Variants in TMEM120A observed in about 807,000 individuals in gnomAD.
The protein encoded by TMEM120A is transmembrane protein 120A, also known as ion channel TACAN.
Under a neutral mutation model 54.3 loss-of-function variants are expected in TMEM120A, and 45 were observed. That is an observed-to-expected ratio of 0.83 (90% confidence interval 0.65 to 1.06). TMEM120A has a LOEUF of 1.06. TMEM120A is among the 50% of genes least tolerant of loss of function. The pLI is 0.00. For synonymous variants in TMEM120A, 204 were observed against 178.5 expected, an observed-to-expected ratio of 1.14 and a Z score of -1.14; for missense variants, 424 against 441.7, an observed-to-expected ratio of 0.96 and a Z score of 0.36.
intron 1 of TMEM120A, among the ~76,000 whole-genome samples, chr7:75,994,083 G>A (rs1789956195): frequency 6.6e-6 from 1 of 152,048 alleles, no homozygotes. Context: ...CCCCCATCCA[G>A]GCCGAGGACA....
intron 3 of TMEM120A, among the ~76,000 whole-genome samples, chr7:75,991,125 C>T (rs536474910): frequency 4.7e-4 from 72 of 152,246 alleles, no homozygotes; most frequent in African/African-American, 1.7e-3. Flanking sequence ...AGCTATCTCC[C>T]TGCCTGCAGC....
chr7:75,989,463 C>G (rs1235175645), intron 3 of TMEM120A, among the ~76,000 whole-genome samples: 1 of 149,388 alleles, frequency 6.7e-6, no homozygotes, highest in African/African-American at 2.5e-5. Context: ...TGTTCCCCCC[C>G]ATCTCCAGAG....
chr7:75,989,139 GGGGGGTGGA>G lies in TMEM120A; in HGVS notation c.377+17_377+25del. ...GGCTAGGGGTGGAGGGGTGGAGGTTGGGGGGTGGAGGCTCGGCCTGATTACTTAGCCTGC... is the reference window on the plus strand; with the variant it reads ...GGCTAGGGGTGGAGGGGTGGAGGTTGGGCTCGGCCTGATTACTTAGCCTGC... On this transcript the variant is annotated intron_variant, in intron 4 of 11. Transcript: ENST00000493111. 7.9e-7 allele frequency: 1 copy of G among 1,270,792 alleles called. No individual in the cohort carries two copies. Among genetic ancestry groups the G allele is most frequent in the Non-Finnish European group, 1.1e-6 (1 of 911,976 alleles). The allele number at this position is 1,270,792 out of a possible 1,614,324, so 78.7% of individuals were successfully genotyped here.
At position 75,987,814 on chromosome 7, in the gene TMEM120A, G is replaced by A. The variant is rs782472933; in HGVS notation, c.692-4C>T. ...TACTGGAGAAACTGCACGAAGCCTG[G>A]GCCGGGCGGAGGACAGAGGAGCAGG... is the stretch of plus-strand genomic sequence containing the variant. On this transcript the variant is annotated splice_region_variant and splice_polypyrimidine_tract_variant and intron_variant, in intron 8 of 11. Transcript: ENST00000493111. 5.0e-6 allele frequency: 8 copies of A among 1,611,094 alleles called. No homozygotes were observed. Among genetic ancestry groups the A allele is most frequent in the Non-Finnish European group, 6.8e-6 (8 of 1,179,352 alleles).
intron 6 of TMEM120A, 47 bp downstream of exon 6, chr7:75,988,205 T>C: frequency 1.9e-6 from 3 of 1,611,788 alleles, no homozygotes; most frequent in Non-Finnish European, 2.5e-6. Flanking sequence ...CGGAGGGTCC[T>C]GGCACCCCAT....
intron 8 of TMEM120A, 26 bp downstream of exon 8, chr7:75,987,896 CT>C: frequency 6.3e-7 from 1 of 1,599,850 alleles, no homozygotes; most frequent in Non-Finnish European, 8.5e-7. Flanking sequence ...GCCTCCAGGG[CT>C]CAGCACAGAC....
At chr7:75,988,208 C>T (rs782234411) in intron 6 of TMEM120A, 44 bp downstream of exon 6, 13 of 1,611,718 alleles carry the variant, frequency 8.1e-6, no homozygotes, top group South Asian at 4.4e-5. Flanking sequence ...AGGGTCCTGG[C>T]ACCCCATTCC....
In TMEM120A at chr7:75,988,121, G is replaced by A; in HGVS notation, c.591C>T (p.His197=). The A allele has an allele frequency of 6.2e-7, 1 of 1,610,388 alleles. No homozygotes were observed. Among genetic ancestry groups the A allele is most frequent in the East Asian group, 2.2e-5 (1 of 44,794 alleles). Residue 197 remains histidine, a synonymous_variant, in exon 7 of 12, where the codon CAC becomes CAT. Transcript: ENST00000493111. The part of the protein sequence containing the change: ...SRIKGWWVFH[H]YVSTFLSGVM... ...CTCCCGACAGGAAGGTGGACACGTA[G>A]TGATGGAACACCCACCAGCCTTTGA...
At chr7:75,994,048 C>T (rs1554562496) in intron 1 of TMEM120A, among the ~76,000 whole-genome samples, 1 of 149,678 alleles carries the variant, frequency 6.7e-6, no homozygotes, top group East Asian at 2.1e-4. Context: ...CTCGGCGGCG[C>T]GCGGTATCCC....
At chr7:75,993,450 G>A (rs1308302238) in intron 1 of TMEM120A, among the ~76,000 whole-genome samples, 2 of 152,254 alleles carry the variant, frequency 1.3e-5, no homozygotes, top group Admixed American at 6.5e-5. Flanking sequence ...TCAAGAAGGC[G>A]CAGCCTAGAG....
chr7:75,987,668 G>A (rs1554560246), intron 9 of TMEM120A, 50 bp downstream of exon 9: 12 of 1,607,056 alleles, frequency 7.5e-6, no homozygotes, highest in Non-Finnish European at 1.0e-5. Flanking sequence ...CTCAGACCCG[G>A]GATGGGAGGA....
At position 75,992,538 on chromosome 7, in the gene TMEM120A, C is replaced by T. The variant is rs1026911558; in HGVS notation, c.101G>A (p.Arg34His). 4.4e-6 allele frequency: 7 copies of T among 1,580,680 alleles called. No individual in the cohort carries two copies. The highest frequency in any genetic ancestry group is 4.6e-5 in the East Asian group (2 of 43,286). ...TTTGGTCAGCTCCTCCAGCTTCAGGCGGTAGAGCCGATGGGTCTCCTGGGG... is the reference window on the plus strand; with the variant it reads ...TTTGGTCAGCTCCTCCAGCTTCAGGTGGTAGAGCCGATGGGTCTCCTGGGG... Reference protein sequence around the residue: ...QNIQETHRLYRLKLEELTKLQ... With the variant: ...QNIQETHRLYHLKLEELTKLQ... The change falls in exon 2 of 12, where the codon CGC becomes CAC. Residue 34 changes from arginine to histidine, a missense_variant. Coordinates refer to ENST00000493111, the MANE Select transcript of TMEM120A (RefSeq NM_031925.3).
rs1554560532 is a variant in TMEM120A at position 75,988,068 on chromosome 7, G to A, written c.629+15C>T. The A allele has an allele frequency of 6.2e-7, 1 of 1,604,258 alleles. No individual in the cohort carries two copies. The highest frequency in any genetic ancestry group is 1.3e-5 in the African/African-American group (1 of 74,826). Reference sequence around the variant, plus strand: ...TTGTCCCAGCTCCTGCCCCTGCCGGGGCCCAGCCACTCACCACGTCAGCAT... The same window carrying A: ...TTGTCCCAGCTCCTGCCCCTGCCGGAGCCCAGCCACTCACCACGTCAGCAT... On this transcript the variant is annotated intron_variant, in intron 7 of 11. Coordinates refer to ENST00000493111, the MANE Select transcript of TMEM120A (RefSeq NM_031925.3).
chr7:75,990,118 A>C (rs1239501950), intron 3 of TMEM120A, among the ~76,000 whole-genome samples: 1 of 152,042 alleles, frequency 6.6e-6, no homozygotes, highest in Non-Finnish European at 1.5e-5. Flanking sequence ...AGTGCTCCCC[A>C]AGCAGGCCAG....
Position 75,987,536 on chromosome 7 carries a change from AC to A in TMEM120A, c.849+1del, listed in dbSNP as rs782490199. On this transcript the variant is annotated splice_donor_variant, in intron 10 of 11. Transcript: ENST00000493111. LOFTEE classifies it high-confidence loss of function. ...AGGCAGGGACACAGAGGCACGACTTACGTGTCCAAAGAAAAGAAAAGGCAGC... is the reference window on the plus strand; with the variant it reads ...AGGCAGGGACACAGAGGCACGACTTAGTGTCCAAAGAAAAGAAAAGGCAGC... The A allele has an allele frequency of 6.3e-7, 1 of 1,590,250 alleles. No homozygotes were observed. The highest frequency in any genetic ancestry group is 1.1e-5 in the South Asian group (1 of 88,062).
At chr7:75,990,413 T>A (rs1227809048) in intron 3 of TMEM120A, among the ~76,000 whole-genome samples, 1 of 152,098 alleles carries the variant, frequency 6.6e-6, no homozygotes, top group East Asian at 1.9e-4. Flanking sequence ...CTCCATCACC[T>A]CCTGCCCTTC....
chr7:75,988,627 T>G (rs11769713), intron 4 of TMEM120A, 111 bp from the exon 5 acceptor site: 63,687 of 302,790 alleles, frequency 0.21, 6,429 homozygotes, highest in African/African-American at 0.4. Flanking sequence ...GAAGGCCGGG[T>G]TGGGGGGTGG....
At chr7:75,994,043 C>T (rs62475304) in intron 1 of TMEM120A, among the ~76,000 whole-genome samples, 1 of 150,928 alleles carries the variant, frequency 6.6e-6, no homozygotes, top group Admixed American at 6.6e-5. Flanking sequence ...AAGGCCTCGG[C>T]GGCGCGCGGT....
chr7:75,988,587 CAGCTGAGCCA>C, intron 4 of TMEM120A, 71 bp from the exon 5 acceptor site: 1 of 1,027,618 alleles, frequency 9.7e-7, no homozygotes, highest in Admixed American at 2.0e-5. Flanking sequence ...CCCGGGAGGG[CAGCTGAGCCA>C]AGGGTAGTCG....
Sources: allele counts gnomAD v4.1 joint callset (sites outside exome capture counted in the v4.1 genomes callset), GRCh38; gene constraint gnomAD v4.1.1; transcripts MANE v1.5; gene names NCBI Gene and HGNC (gene_info 2026-07-23, HGNC 2026-07-21).